SLC9A9: variants seen among roughly 807,000 people sequenced by gnomAD.
The protein encoded by SLC9A9 is solute carrier family 9 member A9, also known as sodium/hydrogen exchanger 9.
In SLC9A9, 62 loss-of-function variants were observed where a neutral mutation model predicts 77.8. The ratio of observed to expected loss-of-function variants is 0.80; its 90% CI spans 0.65 to 0.98. The LOEUF is 0.98. Ranked by LOEUF, SLC9A9 falls within the 50% of genes least tolerant of loss-of-function variation. SLC9A9 has a pLI of 0.00. For synonymous variants in SLC9A9, 320 were observed against 283.5 expected, an observed-to-expected ratio of 1.13 and a Z score of -1.29; for missense variants, 775 against 774.9, an observed-to-expected ratio of 1.00 and a Z score of 0.00.
chr3:143,805,210 C>G (rs1049925606), intron 2 of SLC9A9, among the ~76,000 whole-genome samples: 3 of 152,040 alleles, frequency 2.0e-5, no homozygotes, highest in African/African-American at 7.3e-5. Flanking sequence ...CTCAATTCAT[C>G]CAAAACCGTA....
intron 4 of SLC9A9, among the ~76,000 whole-genome samples, chr3:143,789,660 A>T (rs2008160011): frequency 6.6e-6 from 1 of 152,016 alleles, no homozygotes; most frequent in African/African-American, 2.4e-5. Flanking sequence ...CCTAATTAAG[A>T]ACAGGTTCCA....
At chr3:143,346,523 A>G (rs1270293422) in intron 14 of SLC9A9, among the ~76,000 whole-genome samples, 1 of 152,188 alleles carries the variant, frequency 6.6e-6, no homozygotes, top group Non-Finnish European at 1.5e-5. Flanking sequence ...GCAGTGGCTC[A>G]TGCCTGTAAT....
At chr3:143,515,410 A>G (rs2036188732) in intron 9 of SLC9A9, among the ~76,000 whole-genome samples, 1 of 152,216 alleles carries the variant, frequency 6.6e-6, no homozygotes. Context: ...ACAAAATTTC[A>G]ATTTGTAAAA....
chr3:143,510,221 G>A (rs1486100045), intron 9 of SLC9A9, among the ~76,000 whole-genome samples: 8 of 152,102 alleles, frequency 5.3e-5, no homozygotes, highest in Admixed American at 5.2e-4. Flanking sequence ...AATACAGACA[G>A]ATTCTTATAT....
At chr3:143,442,413 T>C (rs1293459306) in intron 12 of SLC9A9, among the ~76,000 whole-genome samples, 2 of 152,224 alleles carry the variant, frequency 1.3e-5, no homozygotes, top group African/African-American at 2.4e-5. Flanking sequence ...TTGCTACCTA[T>C]GTAAATTCTA....
chr3:143,618,362 T>A (rs184537918), intron 6 of SLC9A9, among the ~76,000 whole-genome samples: 29 of 152,252 alleles, frequency 1.9e-4, no homozygotes, highest in Admixed American at 5.2e-4. Context: ...AGAAAAGTAT[T>A]CGATGCCAAT....
At chr3:143,394,718 C>G (rs908544157) in intron 12 of SLC9A9, among the ~76,000 whole-genome samples, 1 of 152,102 alleles carries the variant, frequency 6.6e-6, no homozygotes, top group African/African-American at 2.4e-5. Context: ...GTCTCAGCCC[C>G]AAATCTCCTT....
At chr3:143,743,494 C>T (rs1443204931) in intron 4 of SLC9A9, among the ~76,000 whole-genome samples, 1 of 152,184 alleles carries the variant, frequency 6.6e-6, no homozygotes, top group Non-Finnish European at 1.5e-5. Context: ...AAGGGCCTAA[C>T]AGCCTGGAGT....
chr3:143,554,056 T>C (rs1030742018), intron 8 of SLC9A9, among the ~76,000 whole-genome samples: 2 of 152,178 alleles, frequency 1.3e-5, no homozygotes, highest in African/African-American at 4.8e-5. Context: ...GGGGGTTTTC[T>C]GGGTGAGGTT....
chr3:143,422,354 C>T (rs1444263331), intron 12 of SLC9A9, among the ~76,000 whole-genome samples: 1 of 152,166 alleles, frequency 6.6e-6, no homozygotes, highest in African/African-American at 2.4e-5. Flanking sequence ...AACCCAGGTG[C>T]CCATCAACGG....
In SLC9A9 at chr3:143,609,361, C is replaced by T. The variant is rs112966678; in HGVS notation, c.756-30638G>A. 4.5e-3 allele frequency among the ~76,000 whole-genome samples: 682 copies of T among 152,234 alleles called. 3 individuals are homozygous for T. The highest frequency in any genetic ancestry group is 0.014 in the African/African-American group (597 of 41,552). ...CGACAAGCTTGAAGAAATCCCAGCT[C>T]ATGGGTGAATTTTCTATAGAATAGG... On this transcript the variant is annotated intron_variant, in intron 6 of 15. Transcript: ENST00000316549.
At chr3:143,565,898 G>T (rs76710817) in intron 8 of SLC9A9, among the ~76,000 whole-genome samples, 3,045 of 152,174 alleles carry the variant, frequency 0.02, 105 homozygotes, top group African/African-American at 0.07. Flanking sequence ...CAATTCAAAC[G>T]AAGTCCCCTC....
intron 6 of SLC9A9, among the ~76,000 whole-genome samples, chr3:143,618,874 G>C (rs2038151414): frequency 6.6e-6 from 1 of 152,206 alleles, no homozygotes; most frequent in African/African-American, 2.4e-5. Context: ...CCTAGTGAAA[G>C]ACTCAGAGGG....
At chr3:143,748,669 CAA>C (rs1342653106) in intron 4 of SLC9A9, among the ~76,000 whole-genome samples, 1 of 148,132 alleles carries the variant, frequency 6.8e-6, no homozygotes, top group African/African-American at 2.5e-5. Flanking sequence ...GACGGACTGG[CAA>C]AGAGTCTCTT....
intron 4 of SLC9A9, among the ~76,000 whole-genome samples, chr3:143,753,221 T>A (rs1301979155): frequency 2.6e-5 from 4 of 152,174 alleles, no homozygotes; most frequent in Non-Finnish European, 5.9e-5. Context: ...TTATGACCTT[T>A]GGACAGCTTT....
At chr3:143,304,725 G>C (rs1444109868) in intron 14 of SLC9A9, among the ~76,000 whole-genome samples, 1 of 152,200 alleles carries the variant, frequency 6.6e-6, no homozygotes, top group African/African-American at 2.4e-5. Flanking sequence ...TGTTCCCTCA[G>C]ACATTCAAAA....
At chr3:143,666,449 A>G in intron 5 of SLC9A9, among the ~76,000 whole-genome samples, 1 of 152,032 alleles carries the variant, frequency 6.6e-6, no homozygotes, top group East Asian at 1.9e-4. Context: ...CTCTCTCACC[A>G]CTCCTATTCA....
At chr3:143,732,641 A>G (rs1934835942) in intron 4 of SLC9A9, among the ~76,000 whole-genome samples, 1 of 152,202 alleles carries the variant, frequency 6.6e-6, no homozygotes, top group Non-Finnish European at 1.5e-5. Context: ...TTAAATGTTT[A>G]ATGTGCAATT....
At chr3:143,835,964 A>C (rs1015151304) in intron 1 of SLC9A9, among the ~76,000 whole-genome samples, 1 of 152,184 alleles carries the variant, frequency 6.6e-6, no homozygotes, top group African/African-American at 2.4e-5. Flanking sequence ...TCTAGTCTAG[A>C]TGTATCCCCT....
Sources: gnomAD v4.1 joint callset for allele counts (sites outside exome capture counted in the v4.1 genomes callset) on GRCh38, gnomAD v4.1.1 for gene constraint, MANE v1.5 for transcripts, NCBI Gene and HGNC (gene_info 2026-07-23, HGNC 2026-07-21) for gene names.